MRTFB: variants seen among roughly 807,000 people sequenced by gnomAD.
MRTFB encodes myocardin-related transcription factor B.
In MRTFB, 29 loss-of-function variants were observed where a neutral mutation model predicts 104.2. The ratio of observed to expected loss-of-function variants is 0.28; its 90% CI spans 0.21 to 0.38. MRTFB has a LOEUF of 0.38. MRTFB is among the 10% of genes least tolerant of loss of function. The probability of loss-of-function intolerance (pLI) is 1.00; values close to 1 mark genes in which losing one functional copy is unlikely to be tolerated. For synonymous variants in MRTFB, 535 were observed against 519.5 expected (o/e 1.03, Z -0.41); for missense variants, 1,270 against 1,341.6 (o/e 0.95, Z 0.83).
chr16:14,164,163 C>T (rs2039144637), intron 3 of MRTFB, among the ~76,000 whole-genome samples: 1 of 152,154 alleles, frequency 6.6e-6, no homozygotes, highest in Non-Finnish European at 1.5e-5. Context: ...TTCTGTCTAC[C>T]TGTATGTTTA....
chr16:14,128,037 C>T (rs1252163038), intron 2 of MRTFB, among the ~76,000 whole-genome samples: 2 of 147,018 alleles, frequency 1.4e-5, no homozygotes, highest in South Asian at 2.2e-4. Flanking sequence ...ATTACTGTGA[C>T]TTGGGTTTTG....
At chr16:14,048,651 A>G in the MRTFB span, among the ~76,000 whole-genome samples, 1 of 152,328 alleles carries the variant, frequency 6.6e-6, no homozygotes, top group South Asian at 2.1e-4. Context: ...GCTTTTAATC[A>G]GGGGAATCAC....
intron 2 of MRTFB, among the ~76,000 whole-genome samples, chr16:14,125,734 C>G (rs1284315873): frequency 6.6e-6 from 1 of 152,146 alleles, no homozygotes; most frequent in Non-Finnish European, 1.5e-5. Context: ...TTACGTCTGT[C>G]TGAGGTTTAT....
At chr16:14,071,035 G>A (rs920516657), upstream of MRTFB, among the ~76,000 whole-genome samples, 1 of 152,234 alleles carries the variant, frequency 6.6e-6, no homozygotes, top group South Asian at 2.1e-4. Context: ...CCAAGCCTTT[G>A]CAGAGGCTCA....
chr16:14,092,123 T>A (rs1402645446), intron 2 of MRTFB, among the ~76,000 whole-genome samples: 1 of 152,092 alleles, frequency 6.6e-6, no homozygotes, highest in African/African-American at 2.4e-5. Flanking sequence ...GAGCAAAGTT[T>A]AGATCAGCTT....
intron 3 of MRTFB, among the ~76,000 whole-genome samples, chr16:14,192,220 A>AT (rs1177614568): frequency 2.0e-5 from 3 of 152,042 alleles, no homozygotes; most frequent in African/African-American, 7.2e-5. Flanking sequence ...AAAAAAAAAA[A>AT]AATAAGCCAG....
At chr16:14,194,267 G>A (rs2040327466) in intron 3 of MRTFB, among the ~76,000 whole-genome samples, 1 of 152,176 alleles carries the variant, frequency 6.6e-6, no homozygotes, top group Non-Finnish European at 1.5e-5. Flanking sequence ...CAGTTCTGGA[G>A]GCTAGGAAGC....
chr16:14,041,506 G>C, the MRTFB span, among the ~76,000 whole-genome samples: 12,691 of 152,148 alleles, frequency 0.083, 1,720 homozygotes, highest in African/African-American at 0.28. Context: ...CTCGTTTTCT[G>C]AGGCTGAATA....
At chr16:14,053,184 C>A in the MRTFB span, among the ~76,000 whole-genome samples, 1 of 152,064 alleles carries the variant, frequency 6.6e-6, no homozygotes, top group African/African-American at 2.4e-5. Flanking sequence ...CGTCGACCTC[C>A]CAAAGCATTG....
At chr16:14,034,909 C>T in the MRTFB span, among the ~76,000 whole-genome samples, 1 of 152,202 alleles carries the variant, frequency 6.6e-6, no homozygotes, top group East Asian at 1.9e-4. Context: ...GGCCTGCAGC[C>T]AGGACTTCTC....
chr16:14,136,033 G>C (rs866464185), intron 2 of MRTFB, among the ~76,000 whole-genome samples: 8 of 152,178 alleles, frequency 5.3e-5, no homozygotes, highest in South Asian at 2.1e-4. Context: ...CACTTTGGGA[G>C]GCCGAAGCGG....
intron 8 of MRTFB, among the ~76,000 whole-genome samples, chr16:14,231,105 G>A (rs913999965): frequency 2.7e-5 from 4 of 150,442 alleles, no homozygotes; most frequent in Non-Finnish European, 5.9e-5. Flanking sequence ...GACACAGGAA[G>A]GGGAACATCA....
At chr16:14,217,329 A>G (rs778630032) in intron 7 of MRTFB, 42 bp downstream of exon 7, 1 of 1,536,240 alleles carries the variant, frequency 6.5e-7, no homozygotes, top group Non-Finnish European at 8.8e-7. Context: ...AGAAAGAGAA[A>G]CTTGGAAATT....
chr16:14,208,548 G>C (rs929324282), intron 3 of MRTFB, among the ~76,000 whole-genome samples: 1 of 152,224 alleles, frequency 6.6e-6, no homozygotes, highest in African/African-American at 2.4e-5. Flanking sequence ...TGTTCCAGAA[G>C]TATCAACCTT....
At chr16:14,091,119 G>A (rs1017073252) in intron 2 of MRTFB, among the ~76,000 whole-genome samples, 3 of 152,108 alleles carry the variant, frequency 2.0e-5, no homozygotes, top group African/African-American at 7.2e-5. Context: ...GATGCTGGAT[G>A]CAAGGGGCAG....
intron 1 of MRTFB, among the ~76,000 whole-genome samples, chr16:14,077,759 A>C (rs1235068301): frequency 6.6e-6 from 1 of 151,434 alleles, no homozygotes; most frequent in Non-Finnish European, 1.5e-5. Context: ...CCCTTGGTCC[A>C]CTCCCACCTT....
At chr16:14,221,592 C>T (rs554692244) in intron 8 of MRTFB, among the ~76,000 whole-genome samples, 1 of 152,096 alleles carries the variant, frequency 6.6e-6, no homozygotes, top group African/African-American at 2.4e-5. Flanking sequence ...CTAAAATGTG[C>T]TTGTAAAGCA....
intron 3 of MRTFB, among the ~76,000 whole-genome samples, chr16:14,167,679 T>TTTTTG (rs2039290035): frequency 6.6e-6 from 1 of 152,080 alleles, no homozygotes; most frequent in Admixed American, 6.5e-5. Context: ...GTTTCTTTGT[T>TTTTTG]TTTTGTTTTG....
chr16:14,151,508 CT>C (rs2038613601), intron 3 of MRTFB: 1 of 152,036 alleles, frequency 6.6e-6, no homozygotes, highest in Non-Finnish European at 1.5e-5. Flanking sequence ...GTCAGTGTGG[CT>C]TTTCAGAATT....
Sources: allele counts gnomAD v4.1 joint callset (sites outside exome capture counted in the v4.1 genomes callset), GRCh38; gene constraint gnomAD v4.1.1; transcripts MANE v1.5; gene names NCBI Gene and HGNC (gene_info 2026-07-23, HGNC 2026-07-21).